The following DLGAP2 variants were observed in gnomAD, a reference collection of about 807,000 sequenced individuals.
DLGAP2 encodes the protein disks large-associated protein 2.
Under a neutral mutation model 100.3 loss-of-function variants are expected in DLGAP2, and 26 were observed. The ratio of observed to expected loss-of-function variants is 0.26; its 90% confidence interval spans 0.19 to 0.36. The LOEUF (loss-of-function observed/expected upper bound fraction) is 0.36, where lower values mean the gene tolerates loss of function less well. DLGAP2 is among the 10% of genes least tolerant of loss of function. The probability of loss-of-function intolerance (pLI) is 1.00; values close to 1 mark genes in which losing one functional copy is unlikely to be tolerated. For missense variants in DLGAP2, 1,858 were observed against 1,453.2 expected (o/e 1.28, Z -4.53); for synonymous variants, 886 against 630.1 (o/e 1.41, Z -6.08).
intron 3 of DLGAP2, among the ~76,000 whole-genome samples, chr8:1,333,247 G>C (rs904386416): frequency 2.0e-5 from 3 of 152,270 alleles, no homozygotes; most frequent in African/African-American, 7.2e-5. Flanking sequence ...CCTGGCCAGG[G>C]GAGCAGAGCC....
intron 8 of DLGAP2, among the ~76,000 whole-genome samples, chr8:1,662,819 A>G (rs7461845): frequency 0.36 from 52,966 of 149,048 alleles, 9,341 homozygotes; most frequent in East Asian, 0.5. Flanking sequence ...GAGTGTGTGC[A>G]TACATGTGTG....
At chr8:843,945 G>A (rs1261556111) in intron 1 of DLGAP2, among the ~76,000 whole-genome samples, 1 of 152,182 alleles carries the variant, frequency 6.6e-6, no homozygotes, top group African/African-American at 2.4e-5. Flanking sequence ...GGATTACTTA[G>A]GGGATTAAAT....
chr8:1,206,464 T>C (rs373205658), intron 2 of DLGAP2, among the ~76,000 whole-genome samples: 271 of 142,352 alleles, frequency 1.9e-3, no homozygotes, highest in Middle Eastern at 7.4e-3. Flanking sequence ...AGACTGTGAG[T>C]GGTTAATCTC....
At chr8:794,835 G>C (rs1311400879) in intron 1 of DLGAP2, among the ~76,000 whole-genome samples, 6 of 152,178 alleles carry the variant, frequency 3.9e-5, no homozygotes, top group Non-Finnish European at 7.3e-5. Flanking sequence ...TGACCTGAGT[G>C]AGGTTGGGAT....
chr8:1,464,365 A>G (rs992351627), intron 3 of DLGAP2, among the ~76,000 whole-genome samples: 591 of 36,300 alleles, frequency 0.016, 41 homozygotes, highest in East Asian at 0.085. Context: ...TTCCAGGACA[A>G]CGCCCTTCCA....
At chr8:1,284,282 T>G (rs1799878650) in intron 3 of DLGAP2, among the ~76,000 whole-genome samples, 1 of 152,190 alleles carries the variant, frequency 6.6e-6, no homozygotes, top group Non-Finnish European at 1.5e-5. Context: ...GAGTAGAGCC[T>G]GTGCTGAAGA....
At chr8:950,406 C>G (rs1799448203) in intron 2 of DLGAP2, among the ~76,000 whole-genome samples, 1 of 152,220 alleles carries the variant, frequency 6.6e-6, no homozygotes. Flanking sequence ...AAAATAATGC[C>G]TCTTACCAAG....
At chr8:1,317,082 C>A (rs374551862) in intron 3 of DLGAP2, among the ~76,000 whole-genome samples, 225 of 79,482 alleles carry the variant, frequency 2.8e-3, no homozygotes, top group South Asian at 7.0e-3. Flanking sequence ...ACACTCGAGA[C>A]ACTCGGCAGC....
At chr8:1,690,226 T>G (rs1799223167) in intron 12 of DLGAP2, among the ~76,000 whole-genome samples, 1 of 151,550 alleles carries the variant, frequency 6.6e-6, no homozygotes, top group Non-Finnish European at 1.5e-5. Context: ...CATGGTGGCA[T>G]GCACCTGTAA....
At chr8:1,122,384 T>G (rs991611457) in intron 2 of DLGAP2, among the ~76,000 whole-genome samples, 11 of 152,170 alleles carry the variant, frequency 7.2e-5, no homozygotes, top group Admixed American at 2.6e-4. Flanking sequence ...TGGGCTGATC[T>G]TTACCAATGG....
intron 12 of DLGAP2, among the ~76,000 whole-genome samples, chr8:1,686,974 T>C (rs1585064394): frequency 6.6e-6 from 1 of 152,206 alleles, no homozygotes; most frequent in Non-Finnish European, 1.5e-5. Flanking sequence ...AAATATCATA[T>C]GTGCCCCCAA....
At chr8:780,427 G>C (rs1183138916) in intron 1 of DLGAP2, among the ~76,000 whole-genome samples, 1 of 152,202 alleles carries the variant, frequency 6.6e-6, no homozygotes, top group African/African-American at 2.4e-5. Context: ...TGTCCATTGT[G>C]AGTAGTGACT....
chr8:1,232,952 C>G (rs1399706622), intron 2 of DLGAP2, among the ~76,000 whole-genome samples: 1 of 152,170 alleles, frequency 6.6e-6, no homozygotes, highest in Non-Finnish European at 1.5e-5. Flanking sequence ...CCTGCCCAGC[C>G]CTAGGAAGTC....
chr8:1,557,266 T>C (rs1280081122), intron 5 of DLGAP2, among the ~76,000 whole-genome samples: 1 of 152,144 alleles, frequency 6.6e-6, no homozygotes, highest in Non-Finnish European at 1.5e-5. Context: ...TGGAACCTTC[T>C]CACAAGCTGT....
intron 6 of DLGAP2, chr8:1,622,184 T>C (rs1319732171): frequency 6.6e-6 from 1 of 152,222 alleles, no homozygotes; most frequent in Non-Finnish European, 1.5e-5. Flanking sequence ...GCGTGCTCCA[T>C]TTTCCATTGA....
intron 3 of DLGAP2, among the ~76,000 whole-genome samples, chr8:1,355,651 C>A (rs1801830935): frequency 6.6e-6 from 1 of 152,094 alleles, no homozygotes; most frequent in African/African-American, 2.4e-5. Context: ...GCATGAGCCA[C>A]CGCACCTGGC....
intron 1 of DLGAP2, among the ~76,000 whole-genome samples, chr8:760,745 C>T (rs899868620): frequency 6.6e-6 from 1 of 152,172 alleles, no homozygotes; most frequent in Non-Finnish European, 1.5e-5. Context: ...CAGGGCTTCG[C>T]GAGCGCCTCC....
In DLGAP2 at chr8:944,585, G is replaced by T. The variant is rs538766137; in HGVS notation, c.73+36619G>T. Among the ~76,000 whole-genome samples, 11 of 152,152 alleles carry T rather than the reference G, an allele frequency of 7.2e-5. 2 individuals are homozygous for T. The highest frequency in any genetic ancestry group is 1.9e-4 in the East Asian group (1 of 5,188). On this transcript the variant is annotated intron_variant, in intron 2 of 14. Coordinates refer to ENST00000637795, the MANE Select transcript of DLGAP2 (RefSeq NM_001346810.2). ...CCAGTGGGTGGTAACATCCCTGCAG[G>T]TGACTCAGTGGGTGGTAGCTGATCC...
intron 3 of DLGAP2, among the ~76,000 whole-genome samples, chr8:1,321,534 G>A (rs1800902245): frequency 6.6e-6 from 1 of 152,240 alleles, no homozygotes; most frequent in Non-Finnish European, 1.5e-5. Context: ...CTTGTTCACT[G>A]CCTCTGCCTT....
Sources: allele counts gnomAD v4.1 joint callset (sites outside exome capture counted in the v4.1 genomes callset), GRCh38; gene constraint gnomAD v4.1.1; transcripts MANE v1.5; gene names NCBI Gene and HGNC (gene_info 2026-07-23, HGNC 2026-07-21).